Variants in HDAC9 observed in about 807,000 individuals in gnomAD.
HDAC9 encodes histone deacetylase 9, also known as MEF-2 interacting transcription repressor (MITR) protein.
Under a neutral mutation model 139.4 loss-of-function variants are expected in HDAC9, and 41 were observed. That is an observed-to-expected ratio of 0.29 (90% confidence interval 0.23 to 0.38). The LOEUF (loss-of-function observed/expected upper bound fraction) is 0.38. Ranked by LOEUF, HDAC9 falls within the 10% of genes least tolerant of loss-of-function variation. The probability of loss-of-function intolerance (pLI) is 1.00; values close to 1 mark genes in which losing one functional copy is unlikely to be tolerated. For synonymous variants in HDAC9, 517 were observed against 476.2 expected, an observed-to-expected ratio of 1.09 and a Z score of -1.12; for missense variants, 1,147 against 1,297.0, an observed-to-expected ratio of 0.88 and a Z score of 1.78.
At chr7:18,411,266 T>C (rs1165428808) in intron 1 of HDAC9, among the ~76,000 whole-genome samples, 1 of 152,206 alleles carries the variant, frequency 6.6e-6, no homozygotes, top group African/African-American at 2.4e-5. Context: ...TTTTTTGACT[T>C]TACGGTGGTA....
intron 1 of HDAC9, among the ~76,000 whole-genome samples, chr7:18,303,543 G>T (rs899454458): frequency 6.6e-6 from 1 of 152,038 alleles, no homozygotes; most frequent in Non-Finnish European, 1.5e-5. Context: ...CACCGCGCCC[G>T]GCCGGAATGA....
At chr7:18,937,384 C>G (rs112624749) in intron 23 of HDAC9, among the ~76,000 whole-genome samples, 1 of 152,028 alleles carries the variant, frequency 6.6e-6, no homozygotes, top group Non-Finnish European at 1.5e-5. Context: ...ATGTAATTAT[C>G]TAATGATTAG....
At chr7:18,581,404 T>C (rs1390614514) in intron 2 of HDAC9, among the ~76,000 whole-genome samples, 2 of 152,152 alleles carry the variant, frequency 1.3e-5, no homozygotes, top group African/African-American at 4.8e-5. Context: ...GACGCAATCA[T>C]TTCTGTTGGG....
At chr7:18,883,854 A>G (rs1799921925) in intron 22 of HDAC9, among the ~76,000 whole-genome samples, 1 of 152,148 alleles carries the variant, frequency 6.6e-6, no homozygotes, top group South Asian at 2.1e-4. Context: ...TGCAGAATAT[A>G]ATATTAACAT....
In HDAC9 at chr7:18,134,583, A is replaced by G. The variant is rs147910540; in HGVS notation, c.-96-27646A>G. ...AAGGACTGCATAAAAGGAAAAAAGCAGATCAGTTGTAAGTTATCAACATAG... is the reference window on the plus strand; with the variant it reads ...AAGGACTGCATAAAAGGAAAAAAGCGGATCAGTTGTAAGTTATCAACATAG... On this transcript the variant is annotated intron_variant, in intron 1 of 12. Transcript: ENST00000417496. Among the ~76,000 whole-genome samples, 370 of 152,322 alleles carry G rather than the reference A, an allele frequency of 2.4e-3. 2 individuals carry two copies. Among genetic ancestry groups the G allele is most frequent in the African/African-American group, 8.6e-3 (359 of 41,580 alleles).
At chr7:18,929,645 G>C (rs187541440) in intron 22 of HDAC9, among the ~76,000 whole-genome samples, 16 of 152,180 alleles carry the variant, frequency 1.1e-4, no homozygotes, top group Admixed American at 2.0e-4. Context: ...CTTTTAAAAA[G>C]TATCTGACAC....
At position 18,935,959 on chromosome 7, in the gene HDAC9, A is replaced by C. The variant is rs998081273; in HGVS notation, c.2937+17A>C. The C allele has an allele frequency of 1.1e-5, 18 of 1,609,638 alleles. No homozygotes were observed. The African/African-American group carries it at 2.1e-4, about 19-fold the overall frequency. Reference sequence around the variant, plus strand: ...GGAAATGAGGTAAAAAAGTAAAAGTACAAAGGGGCAGGGGTAAAGAATCAG... The same window carrying C: ...GGAAATGAGGTAAAAAAGTAAAAGTCCAAAGGGGCAGGGGTAAAGAATCAG... On this transcript the variant is annotated intron_variant, in intron 23 of 25. Coordinates refer to ENST00000686413, the MANE Select transcript of HDAC9 (RefSeq NM_178425.4).
intron 21 of HDAC9, among the ~76,000 whole-genome samples, chr7:18,852,784 A>G (rs947505259): frequency 6.6e-6 from 1 of 152,134 alleles, no homozygotes. Flanking sequence ...CTTGACATAA[A>G]AATTCAACTG....
intron 2 of HDAC9, among the ~76,000 whole-genome samples, chr7:18,172,528 T>A (rs1788533571): frequency 6.6e-6 from 1 of 152,230 alleles, no homozygotes; most frequent in African/African-American, 2.4e-5. Flanking sequence ...CTCTAGTTCG[T>A]TTAACTGTGA....
At chr7:18,814,211 T>C (rs982638315) in intron 17 of HDAC9, among the ~76,000 whole-genome samples, 2 of 152,190 alleles carry the variant, frequency 1.3e-5, no homozygotes, top group African/African-American at 4.8e-5. Context: ...AGTCCTGATA[T>C]TTTAAAAATA....
chr7:18,149,348 AT>A (rs1023283882), intron 1 of HDAC9, among the ~76,000 whole-genome samples: 3 of 147,782 alleles, frequency 2.0e-5, no homozygotes, highest in African/African-American at 7.3e-5. Flanking sequence ...ATAATTAATA[AT>A]TTTTTCTTTT....
At chr7:18,944,110 A>T (rs1294216609) in intron 23 of HDAC9, among the ~76,000 whole-genome samples, 1 of 152,160 alleles carries the variant, frequency 6.6e-6, no homozygotes, top group Non-Finnish European at 1.5e-5. Flanking sequence ...CTAATTGCAG[A>T]CTTCTCTAAG....
At chr7:18,958,864 G>T (rs1783339556) in intron 24 of HDAC9, among the ~76,000 whole-genome samples, 1 of 152,148 alleles carries the variant, frequency 6.6e-6, no homozygotes, top group Non-Finnish European at 1.5e-5. Context: ...CCACAAGGAT[G>T]AGTCATTTCT....
intron 17 of HDAC9, among the ~76,000 whole-genome samples, chr7:18,824,087 G>GAAGAAC (rs1331001570): frequency 7.5e-5 from 11 of 147,544 alleles, no homozygotes; most frequent in East Asian, 4.0e-4. Context: ...AGAAGAAGAA[G>GAAGAAC]AACAAGAACA....
At chr7:18,534,545 TA>T (rs998844066) in intron 2 of HDAC9, among the ~76,000 whole-genome samples, 3 of 151,678 alleles carry the variant, frequency 2.0e-5, no homozygotes, top group Non-Finnish European at 2.9e-5. Context: ...AGACCTTGTC[TA>T]AAAAAAAATT....
chr7:18,228,367 A>C (rs1391326593), intron 2 of HDAC9, among the ~76,000 whole-genome samples: 1 of 151,928 alleles, frequency 6.6e-6, no homozygotes, highest in African/African-American at 2.4e-5. Flanking sequence ...TGGTAGGTAC[A>C]TACTCTTTTG....
At position 18,423,454 on chromosome 7, in the gene HDAC9, A is replaced by G. The variant is rs151026313; in HGVS notation, c.-41-72808A>G. On this transcript the variant is annotated intron_variant, in intron 1 of 3. Transcript: ENST00000413509. ...TAAAATATTACAAGATGCTTAAAGCAGTGGCTTAAAAGAATAGATTTAACG... is the reference window on the plus strand; with the variant it reads ...TAAAATATTACAAGATGCTTAAAGCGGTGGCTTAAAAGAATAGATTTAACG... Among the ~76,000 whole-genome samples the G allele has an allele frequency of 7.4e-4, 113 of 152,366 alleles. No individual in the cohort carries two copies. In the East Asian group the frequency reaches 0.018, roughly 25 times the overall value.
chr7:18,432,971 G>C (rs1192540601), intron 1 of HDAC9, among the ~76,000 whole-genome samples: 1 of 148,986 alleles, frequency 6.7e-6, no homozygotes, highest in African/African-American at 2.5e-5. Context: ...AAAAAGAAAA[G>C]AAATACCAGT....
rs1795062268 is a variant in HDAC9, at chr7:18,253,605, A to C, written c.25+91256A>C. 2.6e-5 allele frequency among the ~76,000 whole-genome samples: 4 copies of C among 152,180 alleles called. No homozygotes were observed. The South Asian group carries it at 8.3e-4, about 32-fold the overall frequency. On this transcript the variant is annotated intron_variant, in intron 2 of 12. Coordinates refer to the HDAC9 transcript ENST00000417496. ...GCCCATGTTTTAATGGAACTGACAA[A>C]CCACAATCTTGATTGCTTAATACAA...
Sources: gnomAD v4.1 joint callset for allele counts (sites outside exome capture counted in the v4.1 genomes callset) on GRCh38, gnomAD v4.1.1 for gene constraint, MANE v1.5 for transcripts, NCBI Gene and HGNC (gene_info 2026-07-23, HGNC 2026-07-21) for gene names.